Variants in SETD6 observed in about 807,000 individuals in gnomAD.
The protein encoded by SETD6 is N-lysine methyltransferase SETD6.
In SETD6, 67 loss-of-function variants were observed where a neutral mutation model predicts 52.7. That is an observed-to-expected ratio of 1.27 (90% confidence interval 1.04 to 1.56). The LOEUF is 1.56. SETD6 is among the 40% of genes most tolerant of loss of function. SETD6 has a pLI of 0.00. For synonymous variants in SETD6, 307 were observed against 250.2 expected, an observed-to-expected ratio of 1.23 and a Z score of -2.14; for missense variants, 712 against 607.5, an observed-to-expected ratio of 1.17 and a Z score of -1.81.
intron 5 of SETD6, 28 bp from the exon 6 acceptor site, chr16:58,518,023 T>G: frequency 1.2e-6 from 2 of 1,613,962 alleles, no homozygotes; most frequent in Non-Finnish European, 1.7e-6. Context: ...GTGAAAGGCA[T>G]GGCCCCAGCT....
chr16:58,516,058 T>A lies in SETD6; in HGVS notation c.295T>A (p.Ser99Thr), dbSNP rs2039123394. 6.7e-7 allele frequency: 1 copy of A among 1,494,816 alleles called. No individual in the cohort carries two copies. The highest frequency in any genetic ancestry group is 8.8e-7 in the Non-Finnish European group (1 of 1,132,402). The allele number at this position is 1,494,816 out of a possible 1,614,324, so 92.6% of individuals were successfully genotyped here. Residue 99 changes from serine to threonine, a missense_variant, in exon 2 of 8, where the codon TCG becomes ACG. By Grantham distance (58) the Ser-to-Thr change is moderately conservative (BLOSUM62 1). Coordinates refer to ENST00000219315, the MANE Select transcript of SETD6 (RefSeq NM_001160305.4). ...LFVVPRAALL[S>T]QHTCSIGGLL... ...CGTGGTGCCGCGGGCCGCGCTCCTG[T>A]CGCAGCACACCTGCTCCATCGGCGG...
Position 58,520,250 on chromosome 16 carries a change from A to AGGAGGAGAGGATTGTGGGGGTGAGGGTAG in SETD6, c.*1223_*1224insAGGAGAGGATTGTGGGGGTGAGGGTAGGG, listed in dbSNP as rs1555492282. On this transcript the variant is annotated 3_prime_UTR_variant, in exon 8 of 8. Coordinates refer to ENST00000219315, the MANE Select transcript of SETD6 (RefSeq NM_001160305.4). Reference sequence around the variant, plus strand: ...AGGAGAGGATTGGGGGGGTGAGGGTAGGGGTGGGCTTTAGGCCTGGTCTGG... The same window carrying AGGAGGAGAGGATTGTGGGGGTGAGGGTAG: ...AGGAGAGGATTGGGGGGGTGAGGGTAGGAGGAGAGGATTGTGGGGGTGAGGGTAGGGGGTGGGCTTTAGGCCTGGTCTGG... 2.6e-5 allele frequency: 4 copies of AGGAGGAGAGGATTGTGGGGGTGAGGGTAG among 151,050 alleles called. No homozygotes were observed. The highest frequency in any genetic ancestry group is 9.7e-5 in the African/African-American group (4 of 41,080). 9.4% of individuals were successfully genotyped at this position (151,050 alleles called of 1,614,324 possible).
Position 58,523,153 on chromosome 16 carries a change from G to A in SETD6, c.*4124G>A, listed in dbSNP as rs1047525820. On this transcript the variant is annotated 3_prime_UTR_variant, in exon 8 of 8. Coordinates refer to ENST00000219315, the MANE Select transcript of SETD6 (RefSeq NM_001160305.4). ...CCAGCTACTTGAGAGGCTAAGGCAC[G>A]AGAATCGCTTGAACCTGGGAGGCGG... 9.2e-6 allele frequency: 3 copies of A among 327,278 alleles called. No homozygotes were observed. Among genetic ancestry groups the A allele is most frequent in the South Asian group, 9.5e-5 (1 of 10,568 alleles). 20.3% of individuals were successfully genotyped at this position (327,278 alleles called of 1,614,324 possible). A position where few individuals can be genotyped will look rare whatever the true frequency, so the allele number is the denominator to read the frequency against.
At position 58,516,583 on chromosome 16, in the gene SETD6, C is replaced by T; in HGVS notation, c.582C>T (p.Pro194=). 6.2e-7 allele frequency: 1 copy of T among 1,614,182 alleles called. No homozygotes were observed. The highest frequency in any genetic ancestry group is 8.5e-7 in the Non-Finnish European group (1 of 1,180,018). ...IRSEYQSIVL[P]FMEAHPDLFS... ...GCGAGTACCAGTCCATCGTGCTGCC[C>T]TTCATGGAAGCCCACCCCGATCTCT... The change falls in exon 4 of 8, where the codon CCC becomes CCT. Residue 194 remains proline, a synonymous_variant. Coordinates refer to ENST00000219315, the MANE Select transcript of SETD6 (RefSeq NM_001160305.4).
intron 1 of SETD6, 77 bp from the exon 2 acceptor site, chr16:58,515,714 G>A: frequency 5.0e-6 from 7 of 1,401,460 alleles, no homozygotes; most frequent in Non-Finnish European, 6.5e-6. Context: ...CCCGTTCTGC[G>A]CTCGCGCCGC....
intron 6 of SETD6, 83 bp from the exon 7 acceptor site, chr16:58,518,318 G>T: frequency 6.3e-7 from 1 of 1,597,338 alleles, no homozygotes; most frequent in South Asian, 1.1e-5. Context: ...AATAGCAGTT[G>T]ACTTTGTAGA....
intron 5 of SETD6, chr16:58,517,621 C>A: frequency 4.7e-6 from 1 of 213,764 alleles, no homozygotes; most frequent in Non-Finnish European, 9.5e-6. Context: ...ATTACAGGCT[C>A]CTGCCACCAT....
chr16:58,521,301 A>G lies in SETD6; in HGVS notation c.*2272A>G. On this transcript the variant is annotated 3_prime_UTR_variant, in exon 8 of 8. Transcript: ENST00000219315. ...CAAGGATGTGGCCTATTTACAATCA[A>G]CCGTTCCAAGAGAACTCTGGAAAAA... is the stretch of plus-strand genomic sequence containing the variant. The G allele has an allele frequency of 6.2e-7, 1 of 1,610,964 alleles. No individual in the cohort carries two copies. Among genetic ancestry groups the G allele is most frequent in the Non-Finnish European group, 8.5e-7 (1 of 1,179,324 alleles).
rs2039332220 is a variant in SETD6, at chr16:58,520,480, T to C, written c.*1451T>C. The stretch of plus-strand genomic sequence containing the variant: ...CACATCCACATTTTTAATAACTTAG[T>C]GATTTTCAAGGTCCCCTGTCCACAT... On this transcript the variant is annotated 3_prime_UTR_variant, in exon 8 of 8. Coordinates refer to ENST00000219315, the MANE Select transcript of SETD6 (RefSeq NM_001160305.4). The C allele has an allele frequency of 1.2e-5, 2 of 160,894 alleles. No homozygotes were observed. 10.0% of individuals were successfully genotyped at this position (160,894 alleles called of 1,614,324 possible).
chr16:58,520,826 T>C lies in SETD6; in HGVS notation c.*1797T>C, dbSNP rs2039342213. On this transcript the variant is annotated 3_prime_UTR_variant, in exon 8 of 8. Transcript: ENST00000219315. ...TAAGACAGGAGGCTGATCCCAACAG[T>C]AGTTGGGGCAGATACCCACAAACCA... is the stretch of plus-strand genomic sequence containing the variant. The C allele has an allele frequency of 2.3e-6, 2 of 877,046 alleles. No homozygotes were observed. The highest frequency in any genetic ancestry group is 3.6e-6 in the Non-Finnish European group (2 of 553,786). 54.3% of individuals were successfully genotyped at this position (877,046 alleles called of 1,614,324 possible). A position where few individuals can be genotyped will look rare whatever the true frequency, so the allele number is the denominator to read the frequency against.
At position 58,518,815 on chromosome 16, in the gene SETD6, C is replaced by A; in HGVS notation, c.1208C>A (p.Thr403Lys). 1 of 1,614,164 alleles carries A rather than the reference C, an allele frequency of 6.2e-7. No individual in the cohort carries two copies. The highest frequency in any genetic ancestry group is 8.5e-7 in the Non-Finnish European group (1 of 1,180,026). The change falls in exon 8 of 8, where the codon ACA becomes AAA. Residue 403 changes from threonine to lysine, a missense_variant. By Grantham distance (78) the Thr-to-Lys change is moderately conservative. Transcript: ENST00000219315. ...DKREEGSLTI[T>K]NIPKLKASWR... ...AGGGAAGAGGGCAGCCTGACGATCA[C>A]AAATATTCCCAAGCTCAAAGCATCG...
Position 58,523,333 on chromosome 16 carries a change from C to A in SETD6, c.*4304C>A. On this transcript the variant is annotated 3_prime_UTR_variant, in exon 8 of 8. Transcript: ENST00000219315. ...AAAAAAAAGATGAAAGGGAGGAGATCCTTTTGAAGCATTTAAAAAATAAGC... is the reference window on the plus strand; with the variant it reads ...AAAAAAAAGATGAAAGGGAGGAGATACTTTTGAAGCATTTAAAAAATAAGC... 1 of 1,539,428 alleles carries A rather than the reference C, an allele frequency of 6.5e-7. No homozygotes were observed. Among genetic ancestry groups the A allele is most frequent in the Non-Finnish European group, 8.8e-7 (1 of 1,140,860 alleles).
In SETD6 at chr16:58,523,621, A is replaced by G. The variant is rs1233034193; in HGVS notation, c.*4592A>G. On this transcript the variant is annotated 3_prime_UTR_variant, in exon 8 of 8. Transcript: ENST00000219315. ...GCTTTCAAATTAATCTTTGGTTTAA[A>G]GCAGTGGTTCTTGGGACCCCAAAGA... 6.7e-6 allele frequency: 6 copies of G among 891,238 alleles called. 1 individual carries two copies. In the East Asian group the frequency reaches 1.0e-4, roughly 15 times the overall value. 55.2% of individuals were successfully genotyped at this position (891,238 alleles called of 1,614,324 possible).
In SETD6 at chr16:58,521,391, T is replaced by G; in HGVS notation, c.*2362T>G. On this transcript the variant is annotated 3_prime_UTR_variant, in exon 8 of 8. Coordinates refer to ENST00000219315, the MANE Select transcript of SETD6 (RefSeq NM_001160305.4). ...CATGATTATTCTTCCATTACTTTTT[T>G]TCTAACTTCTCCCTGACTATTGAAC... 1 of 1,460,678 alleles carries G rather than the reference T, an allele frequency of 6.8e-7. No homozygotes were observed. The highest frequency in any genetic ancestry group is 1.3e-5 in the South Asian group (1 of 76,500). 90.5% of individuals were successfully genotyped at this position (1,460,678 alleles called of 1,614,324 possible). A position where few individuals can be genotyped will look rare whatever the true frequency, so the allele number is the denominator to read the frequency against.
rs752255170 is a variant in SETD6 at position 58,520,012 on chromosome 16, T to A, written c.*983T>A. ...ATACACATACAAGAAGTAGGGGAGC[T>A]GAAGCCCAGGAAAAGGCTACAAAAT... is the stretch of plus-strand genomic sequence containing the variant. On this transcript the variant is annotated 3_prime_UTR_variant, in exon 8 of 8. Coordinates refer to ENST00000219315, the MANE Select transcript of SETD6 (RefSeq NM_001160305.4). 2.6e-5 allele frequency: 4 copies of A among 152,244 alleles called. No individual in the cohort carries two copies. The highest frequency in any genetic ancestry group is 4.8e-5 in the African/African-American group (2 of 41,436). 9.4% of individuals were successfully genotyped at this position (152,244 alleles called of 1,614,324 possible).
chr16:58,516,619 G>A lies in SETD6; in HGVS notation c.618G>A (p.Arg206=). The change falls in exon 4 of 8, where the codon AGG becomes AGA. Residue 206 remains arginine (R), a synonymous_variant. Coordinates refer to ENST00000219315, the MANE Select transcript of SETD6 (RefSeq NM_001160305.4). ...CCCACCCCGATCTCTTCAGCCTCAG[G>A]GTTCGCTCCCTAGAACTCTACCACC... ...MEAHPDLFSL[R]VRSLELYHQL... 3 of 1,614,160 alleles carry A rather than the reference G, an allele frequency of 1.9e-6. No individual in the cohort carries two copies. The highest frequency in any genetic ancestry group is 2.5e-6 in the Non-Finnish European group (3 of 1,180,020).
Position 58,518,156 on chromosome 16 carries a change from G to C in SETD6, c.898G>C (p.Val300Leu). ...NWQLIHMYGF[V>L]EPYPDNTDDT... ...GCAACTGATTCATATGTACGGTTTT[G>C]TTGAACCATATCCTGACAACACAGA... is the stretch of plus-strand genomic sequence containing the variant. Residue 300 changes from valine (V) to leucine (L), a missense_variant, in exon 6 of 8, where the codon GTT becomes CTT. Transcript: ENST00000219315. 6.2e-7 allele frequency: 1 copy of C among 1,614,220 alleles called. No homozygotes were observed. Among genetic ancestry groups the C allele is most frequent in the Non-Finnish European group, 8.5e-7 (1 of 1,180,044 alleles).
chr16:58,519,121 T>G lies in SETD6; in HGVS notation c.*92T>G. 1 of 1,308,102 alleles carries G rather than the reference T, an allele frequency of 7.6e-7. No homozygotes were observed. Among genetic ancestry groups the G allele is most frequent in the Non-Finnish European group, 1.0e-6 (1 of 973,340 alleles). 81.0% of individuals were successfully genotyped at this position (1,308,102 alleles called of 1,614,324 possible). On this transcript the variant is annotated 3_prime_UTR_variant, in exon 8 of 8. Coordinates refer to ENST00000219315, the MANE Select transcript of SETD6 (RefSeq NM_001160305.4). ...TGAAAAAGAGGAAAATTTGGATCTT[T>G]CTTTTGCTTACTAAACACCAAGAGG...
rs767298139 is a variant in SETD6, at chr16:58,520,958, C to CT, written c.*1930dup. 9 of 1,613,378 alleles carry CT rather than the reference C, an allele frequency of 5.6e-6. No individual in the cohort carries two copies. The highest frequency in any genetic ancestry group is 7.6e-6 in the Non-Finnish European group (9 of 1,180,024). On this transcript the variant is annotated 3_prime_UTR_variant, in exon 8 of 8. Transcript: ENST00000219315. Reference sequence around the variant, plus strand: ...ACGTACAACAGAGATGCAGTTTCGTCTAACTGGCACCTGTCCCTTCCATTA... The same window carrying CT: ...ACGTACAACAGAGATGCAGTTTCGTCTTAACTGGCACCTGTCCCTTCCATTA...
Sources: allele counts gnomAD v4.1 joint callset, GRCh38; gene constraint gnomAD v4.1.1; transcripts MANE v1.5; gene names NCBI Gene and HGNC (gene_info 2026-07-23, HGNC 2026-07-21).